KCNB2: variants seen among roughly 807,000 people sequenced by gnomAD.
KCNB2 encodes the protein delayed rectifier potassium channel protein.
A neutral mutation model predicts 61.5 loss-of-function variants in KCNB2; 15 were observed. The ratio of observed to expected loss-of-function variants is 0.24; its 90% confidence interval spans 0.16 to 0.38. The LOEUF (loss-of-function observed/expected upper bound fraction) is 0.38. Ranked by LOEUF, KCNB2 falls within the 10% of genes least tolerant of loss-of-function variation. The pLI is 1.00. For missense variants in KCNB2, 828 were observed against 1,125.2 expected (o/e 0.74, Z 3.78); for synonymous variants, 457 against 446.0 (o/e 1.02, Z -0.31).
At chr8:72,897,184 C>A (rs1263452908) in intron 2 of KCNB2, among the ~76,000 whole-genome samples, 1 of 151,920 alleles carries the variant, frequency 6.6e-6, no homozygotes, top group Non-Finnish European at 1.5e-5. Flanking sequence ...ATCCCTTACA[C>A]CTAGAATATA....
chr8:72,628,400 G>GGTGTGT (rs1160601490), intron 2 of KCNB2, among the ~76,000 whole-genome samples: 184 of 47,390 alleles, frequency 3.9e-3, no homozygotes, highest in East Asian at 0.01. Context: ...CCTGTTAGGG[G>GGTGTGT]GTGTGTGTGT....
At chr8:72,743,121 T>C (rs1157971201) in intron 2 of KCNB2, among the ~76,000 whole-genome samples, 1 of 152,232 alleles carries the variant, frequency 6.6e-6, no homozygotes, top group Non-Finnish European at 1.5e-5. Flanking sequence ...ACCATGGATA[T>C]GTCACTTACT....
intron 2 of KCNB2, among the ~76,000 whole-genome samples, chr8:72,845,998 A>AC (rs981733075): frequency 2.0e-5 from 3 of 151,322 alleles, no homozygotes; most frequent in African/African-American, 4.9e-5. Flanking sequence ...GAAAAAAAAA[A>AC]AAAACTCTGG....
At chr8:72,711,235 A>G (rs1386602817) in intron 2 of KCNB2, among the ~76,000 whole-genome samples, 1 of 152,244 alleles carries the variant, frequency 6.6e-6, no homozygotes, top group African/African-American at 2.4e-5. Flanking sequence ...ACTTGGCCAG[A>G]GCATCTGCAT....
intron 1 of KCNB2, among the ~76,000 whole-genome samples, chr8:72,554,358 G>A (rs1806388715): frequency 6.6e-6 from 1 of 152,032 alleles, no homozygotes; most frequent in Admixed American, 6.6e-5. Context: ...ATATTTTATG[G>A]TCTTTTTCCA....
chr8:72,710,707 C>T (rs769648063), intron 2 of KCNB2, among the ~76,000 whole-genome samples: 7 of 152,126 alleles, frequency 4.6e-5, no homozygotes, highest in African/African-American at 1.2e-4. Flanking sequence ...TTATGTATTA[C>T]GTTACCTCCT....
At chr8:72,792,722 G>C (rs533519130) in intron 2 of KCNB2, among the ~76,000 whole-genome samples, 1 of 152,140 alleles carries the variant, frequency 6.6e-6, no homozygotes, top group Admixed American at 6.5e-5. Flanking sequence ...AACCACTGAC[G>C]TCCACAATCT....
intron 2 of KCNB2, among the ~76,000 whole-genome samples, chr8:72,693,369 C>T (rs1490998725): frequency 6.6e-6 from 1 of 152,176 alleles, no homozygotes; most frequent in East Asian, 1.9e-4. Flanking sequence ...CCTGTGACAC[C>T]TCTTGTGTCT....
At chr8:72,595,507 G>A (rs1807174735) in intron 2 of KCNB2, among the ~76,000 whole-genome samples, 1 of 151,720 alleles carries the variant, frequency 6.6e-6, no homozygotes, top group South Asian at 2.1e-4. Flanking sequence ...TGTATTTTTA[G>A]TAGAGACGGA....
chr8:72,822,222 G>A (rs1194828580), intron 2 of KCNB2, among the ~76,000 whole-genome samples: 1 of 152,158 alleles, frequency 6.6e-6, no homozygotes, highest in East Asian at 1.9e-4. Flanking sequence ...TTGCCTTTAT[G>A]GTACCTGCCA....
chr8:72,556,282 G>A (rs557424745), intron 1 of KCNB2, among the ~76,000 whole-genome samples: 1 of 152,174 alleles, frequency 6.6e-6, no homozygotes, highest in East Asian at 1.9e-4. Context: ...GATGCTAGTA[G>A]GTCATCTTGC....
chr8:72,811,427 T>C (rs1809304328), intron 2 of KCNB2, among the ~76,000 whole-genome samples: 1 of 152,172 alleles, frequency 6.6e-6, no homozygotes, highest in Non-Finnish European at 1.5e-5. Flanking sequence ...TACTTTTTAT[T>C]CTTCCAAGAT....
At chr8:72,594,222 TAAG>T (rs1406219340) in intron 2 of KCNB2, among the ~76,000 whole-genome samples, 1 of 152,174 alleles carries the variant, frequency 6.6e-6, no homozygotes. Context: ...TCCTTATTAT[TAAG>T]AAGTTGTTTT....
At chr8:72,699,795 C>T (rs572404611) in intron 2 of KCNB2, among the ~76,000 whole-genome samples, 5 of 152,156 alleles carry the variant, frequency 3.3e-5, no homozygotes, top group African/African-American at 1.2e-4. Flanking sequence ...GGCGATTCCT[C>T]AAGGACCTAG....
At chr8:72,584,518 G>C (rs1542710) in intron 2 of KCNB2, among the ~76,000 whole-genome samples, 17,812 of 151,902 alleles carry the variant, frequency 0.12, 1,425 homozygotes, top group East Asian at 0.48. Flanking sequence ...TACTACTTCC[G>C]TAACTATAAA....
At chr8:72,599,481 A>C (rs1283056402) in intron 2 of KCNB2, among the ~76,000 whole-genome samples, 1 of 152,338 alleles carries the variant, frequency 6.6e-6, no homozygotes, top group African/African-American at 2.4e-5. Context: ...TGTTAGACCT[A>C]AAACCATAAA....
At chr8:72,563,479 T>C (rs28670389) in intron 1 of KCNB2, among the ~76,000 whole-genome samples, 15,170 of 152,132 alleles carry the variant, frequency 0.1, 1,245 homozygotes, top group East Asian at 0.46. Flanking sequence ...TGTATTAAGA[T>C]TGGCTACAGA....
At chr8:72,572,556 C>T (rs1806726843) in intron 2 of KCNB2, among the ~76,000 whole-genome samples, 2 of 151,066 alleles carry the variant, frequency 1.3e-5, no homozygotes, top group African/African-American at 4.9e-5. Flanking sequence ...TCCTCTCTCT[C>T]TCAGGCTCTC....
intron 2 of KCNB2, among the ~76,000 whole-genome samples, chr8:72,698,643 A>T (rs2128990790): frequency 6.6e-6 from 1 of 152,328 alleles, no homozygotes; most frequent in Non-Finnish European, 1.5e-5. Context: ...CCAAAACAGC[A>T]TGGTACTGGT....
Sources: allele counts gnomAD v4.1 joint callset (sites outside exome capture counted in the v4.1 genomes callset), GRCh38; gene constraint gnomAD v4.1.1; transcripts MANE v1.5; gene names NCBI Gene and HGNC (gene_info 2026-07-23, HGNC 2026-07-21).